KCNH1: variants seen among roughly 807,000 people sequenced by gnomAD.
KCNH1 encodes the protein voltage-gated delayed rectifier potassium channel KCNH1.
Under a neutral mutation model 69.2 loss-of-function variants are expected in KCNH1, and 27 were observed. That is an observed-to-expected ratio of 0.39 (90% CI 0.29 to 0.54). The LOEUF (loss-of-function observed/expected upper bound fraction) is 0.54. Ranked by LOEUF, KCNH1 falls within the 20% of genes least tolerant of loss-of-function variation. The probability of loss-of-function intolerance (pLI) is 0.68; values close to 1 mark genes in which losing one functional copy is unlikely to be tolerated. For synonymous variants in KCNH1, 456 were observed against 487.7 expected (o/e 0.93, Z 0.86); for missense variants, 798 against 1,261.6 (o/e 0.63, Z 5.57).
intron 5 of KCNH1, among the ~76,000 whole-genome samples, chr1:211,055,024 C>T (rs1414720794): frequency 6.6e-6 from 1 of 152,062 alleles, no homozygotes; most frequent in African/African-American, 2.4e-5. Flanking sequence ...GAATAGAAGC[C>T]TCCAGCGATA....
rs1367301729 is a variant in KCNH1 at position 210,786,979 on chromosome 1, C to G, written c.1915+10529G>C. Among the ~76,000 whole-genome samples, 5 of 152,142 alleles carry G rather than the reference C, an allele frequency of 3.3e-5. No homozygotes were observed. The East Asian group carries it at 9.6e-4, about 29-fold the overall frequency. ...GCCTTTTATCTTGGCTTTTTCTACT[C>G]CATTCTCCACACAGCTGCCAGGATG... On this transcript the variant is annotated intron_variant, in intron 9 of 10. Transcript: ENST00000271751.
chr1:211,050,725 G>A (rs920152897), intron 5 of KCNH1, among the ~76,000 whole-genome samples: 5 of 152,136 alleles, frequency 3.3e-5, no homozygotes, highest in Non-Finnish European at 7.3e-5. Flanking sequence ...TCACAGAAAT[G>A]TTGCTATCAT....
At chr1:211,118,095 T>C (rs1399980117) in intron 1 of KCNH1, among the ~76,000 whole-genome samples, 1 of 152,228 alleles carries the variant, frequency 6.6e-6, no homozygotes. Context: ...GCAGTATTAA[T>C]ATTAAAATGT....
intron 6 of KCNH1, among the ~76,000 whole-genome samples, chr1:211,018,500 C>T (rs1177818808): frequency 6.6e-6 from 1 of 152,224 alleles, no homozygotes; most frequent in African/African-American, 2.4e-5. Context: ...AGTGGCCATG[C>T]ATGCCTGCTG....
At chr1:210,807,781 T>C (rs558288538) in intron 7 of KCNH1, among the ~76,000 whole-genome samples, 8 of 152,322 alleles carry the variant, frequency 5.3e-5, no homozygotes, top group East Asian at 3.9e-4. Flanking sequence ...TATCCCATTG[T>C]ATGGATGTAC....
At chr1:210,982,633 T>C (rs1437823368) in intron 6 of KCNH1, among the ~76,000 whole-genome samples, 1 of 152,064 alleles carries the variant, frequency 6.6e-6, no homozygotes, top group African/African-American at 2.4e-5. Flanking sequence ...TATTCCATGG[T>C]GTATATGTGC....
At chr1:211,032,419 T>G (rs563531681) in intron 5 of KCNH1, among the ~76,000 whole-genome samples, 68 of 152,234 alleles carry the variant, frequency 4.5e-4, no homozygotes, top group African/African-American at 1.6e-3. Flanking sequence ...TACTTTAAAG[T>G]TCATATGGAA....
intron 6 of KCNH1, among the ~76,000 whole-genome samples, chr1:210,954,676 T>C (rs1242872587): frequency 6.6e-6 from 1 of 152,272 alleles, no homozygotes; most frequent in East Asian, 1.9e-4. Flanking sequence ...CATTTTTTCA[T>C]GTGTCCGTTG....
intron 5 of KCNH1, chr1:211,063,744 A>AG (rs1489421152): frequency 6.7e-6 from 1 of 150,212 alleles, no homozygotes; most frequent in Non-Finnish European, 1.5e-5. Context: ...CCATCTCGGG[A>AG]GAAAAAAAAA....
At chr1:210,711,366 A>G (rs960914769) in intron 10 of KCNH1, among the ~76,000 whole-genome samples, 1 of 152,164 alleles carries the variant, frequency 6.6e-6, no homozygotes. Flanking sequence ...GTTCTCCTTC[A>G]TCTCTCTAAA....
Position 211,133,919 on chromosome 1 carries a change from T to A in KCNH1, c.27A>T (p.Gly9=). 6.2e-7 allele frequency: 1 copy of A among 1,610,664 alleles called. No homozygotes were observed. The highest frequency in any genetic ancestry group is 8.5e-7 in the Non-Finnish European group (1 of 1,178,666). Residue 9 remains glycine, a synonymous_variant, in exon 1 of 11, where the codon GGA becomes GGT. Transcript: ENST00000271751. This position sits in a 1 kb window ranked among gnomAD's most constrained non-coding sequence, Gnocchi z 5.4. MTMAGGRR[G]LVAPQNTFLE... ...GAAACGTGTTTTGAGGGGCCACTAG[T>A]CCCCTCCTGCCCCCAGCCATGGTCA...
At chr1:210,687,461 C>T (rs1048936591) in intron 10 of KCNH1, among the ~76,000 whole-genome samples, 1 of 152,152 alleles carries the variant, frequency 6.6e-6, no homozygotes, top group African/African-American at 2.4e-5. Context: ...CTTAGGCTGC[C>T]CTCCATCATC....
intron 5 of KCNH1, among the ~76,000 whole-genome samples, chr1:211,064,161 T>C (rs148059794): frequency 0.011 from 1,640 of 152,288 alleles, 40 homozygotes; most frequent in African/African-American, 0.037. Flanking sequence ...CTGAATAGGT[T>C]TGGATATAGT....
chr1:211,045,041 G>GATATATAGATATATATATATATATAT (rs1164564038), intron 5 of KCNH1, among the ~76,000 whole-genome samples: 958 of 81,662 alleles, frequency 0.012, 70 homozygotes, highest in Middle Eastern at 0.032. Context: ...AATTGTGGGG[G>GATATATAGATATATATATATATATAT]ATATATATAT....
rs531015022 is a variant in KCNH1, at chr1:211,046,397, A to T, written c.559-27141T>A. On this transcript the variant is annotated intron_variant, in intron 5 of 10. Transcript: ENST00000271751. ...TCCATGTAGACCATGTAATAGCATG[A>T]AAGTTTCCAGCAGATGCCCTTCCCC... Among the ~76,000 whole-genome samples the T allele has an allele frequency of 7.2e-5, 11 of 152,342 alleles. 1 individual carries two copies. In the South Asian group the frequency reaches 2.3e-3, roughly 32 times the overall value.
At chr1:210,755,740 G>T (rs1315181902) in intron 10 of KCNH1, among the ~76,000 whole-genome samples, 1 of 152,146 alleles carries the variant, frequency 6.6e-6, no homozygotes, top group Admixed American at 6.5e-5. Flanking sequence ...ATTTCTCAGT[G>T]CACCTTTCTT....
At chr1:211,075,250 T>C (rs1690712925) in intron 5 of KCNH1, among the ~76,000 whole-genome samples, 1 of 152,208 alleles carries the variant, frequency 6.6e-6, no homozygotes, top group African/African-American at 2.4e-5. Context: ...CATCCAAATA[T>C]CTGTCCTTGT....
chr1:210,992,082 A>G lies in KCNH1; in HGVS notation c.1032+26701T>C, dbSNP rs571763840. Among the ~76,000 whole-genome samples, 96 of 152,330 alleles carry G rather than the reference A, an allele frequency of 6.3e-4. 1 individual carries two copies. The highest frequency in any genetic ancestry group is 1.6e-3 in the Admixed American group (25 of 15,296). On this transcript the variant is annotated intron_variant, in intron 6 of 10. Transcript: ENST00000271751. ...GATCATTTCCTAGGCTGACAACAACACTAGTCACTAAATGCTAACAATGTG... is the reference window on the plus strand; with the variant it reads ...GATCATTTCCTAGGCTGACAACAACGCTAGTCACTAAATGCTAACAATGTG...
intron 5 of KCNH1, among the ~76,000 whole-genome samples, chr1:211,060,075 G>C (rs569113362): frequency 6.6e-6 from 1 of 152,122 alleles, no homozygotes; most frequent in East Asian, 1.9e-4. Context: ...TCAATAACAA[G>C]AGGAATTTTG....
Sources: gnomAD v4.1 joint callset for allele counts (sites outside exome capture counted in the v4.1 genomes callset) on GRCh38, gnomAD v4.1.1 for gene constraint, Gnocchi (gnomAD v3.1) non-coding constraint, MANE v1.5 for transcripts, NCBI Gene and HGNC (gene_info 2026-07-23, HGNC 2026-07-21) for gene names.